The following PIP4K2A variants were observed in gnomAD, a reference collection of about 807,000 sequenced individuals.
The protein encoded by PIP4K2A is phosphatidylinositol 5-phosphate 4-kinase type-2 alpha.
A neutral mutation model predicts 42.9 loss-of-function variants in PIP4K2A; 14 were observed. The ratio of observed to expected loss-of-function variants is 0.33; its 90% CI spans 0.22 to 0.51. The LOEUF (loss-of-function observed/expected upper bound fraction) is 0.51, where lower values mean the gene tolerates loss of function less well. Among genes scored for constraint, PIP4K2A ranks in the 20% least tolerant of loss-of-function variants. PIP4K2A has a pLI of 0.97. For missense variants in PIP4K2A, 434 were observed against 519.8 expected (o/e 0.83, Z 1.61); for synonymous variants, 192 against 192.2 (o/e 1.00, Z 0.01).
Position 22,704,817 on chromosome 10 carries a change from C to T in PIP4K2A, c.144+9366G>A, listed in dbSNP as rs571853899. On this transcript the variant is annotated intron_variant, in intron 1 of 9. Transcript: ENST00000376573. The stretch of plus-strand genomic sequence containing the variant: ...TGGAAGACACTGCAATGGTGGGAAT[C>T]GTCTATATCTGCACTGTTCAATCCA... Among the ~76,000 whole-genome samples, 49 of 152,234 alleles carry T rather than the reference C, an allele frequency of 3.2e-4. No homozygotes were observed. The South Asian group carries it at 6.4e-3, about 20-fold the overall frequency.
intron 9 of PIP4K2A, among the ~76,000 whole-genome samples, chr10:22,538,210 C>A (rs1420756316): frequency 6.6e-6 from 1 of 152,216 alleles, no homozygotes; most frequent in Non-Finnish European, 1.5e-5. Context: ...GAGAATGGTC[C>A]CCCACAGCAG....
chr10:22,607,846 A>C (rs1009632534), intron 3 of PIP4K2A, 81 bp downstream of exon 3: 3 of 798,314 alleles, frequency 3.8e-6, no homozygotes, highest in Admixed American at 2.3e-5. Flanking sequence ...TATTGACAAA[A>C]ATACAGATCC....
Position 22,604,400 on chromosome 10 carries a change from G to A in PIP4K2A, c.339+3527C>T, listed in dbSNP as rs112221835. Reference sequence around the variant, plus strand: ...GGTGGTCACACAAACAAGACAAGTCGGGACCATTTACCCACTTGGCTGAAT... The same window carrying A: ...GGTGGTCACACAAACAAGACAAGTCAGGACCATTTACCCACTTGGCTGAAT... On this transcript the variant is annotated intron_variant, in intron 3 of 9. Transcript: ENST00000376573. 3.4e-3 allele frequency among the ~76,000 whole-genome samples: 521 copies of A among 151,816 alleles called. 2 individuals carry two copies. The highest frequency in any genetic ancestry group is 9.9e-3 in the African/African-American group (408 of 41,386).
rs558630564 is a variant in PIP4K2A, at chr10:22,585,240, A to C, written c.492+6389T>G. ...TCGGGAAAGGATAAGCAGATGTACT[A>C]TGAGGAGATTTCAAAGAAGTCACAT... On this transcript the variant is annotated intron_variant, in intron 4 of 9. Transcript: ENST00000376573. Among the ~76,000 whole-genome samples, 4 of 152,342 alleles carry C rather than the reference A, an allele frequency of 2.6e-5. No individual in the cohort carries two copies. In the South Asian group the frequency reaches 8.3e-4, roughly 32 times the overall value.
intron 1 of PIP4K2A, among the ~76,000 whole-genome samples, chr10:22,654,623 G>C (rs1309430733): frequency 6.6e-6 from 1 of 152,122 alleles, no homozygotes; most frequent in Non-Finnish European, 1.5e-5. Flanking sequence ...GTGATTCAGG[G>C]GTAGTCAAGT....
chr10:22,645,014 T>C (rs1038184083), intron 1 of PIP4K2A, among the ~76,000 whole-genome samples: 12 of 152,318 alleles, frequency 7.9e-5, no homozygotes, highest in Admixed American at 6.5e-4. Context: ...CCCTTCCCCC[T>C]ATGCTGGGGA....
At chr10:22,574,953 G>C (rs1161926395) in intron 4 of PIP4K2A, among the ~76,000 whole-genome samples, 1 of 152,158 alleles carries the variant, frequency 6.6e-6, no homozygotes, top group Admixed American at 6.5e-5. Context: ...AGGAAGTCTA[G>C]TCTCCACGTG....
At chr10:22,694,284 A>G (rs1839927547) in intron 1 of PIP4K2A, 1 of 152,180 alleles carries the variant, frequency 6.6e-6, no homozygotes, top group Non-Finnish European at 1.5e-5. Context: ...GCTTTTACCA[A>G]CACTGACAGC....
intron 1 of PIP4K2A, among the ~76,000 whole-genome samples, chr10:22,664,209 A>G (rs1322770651): frequency 7.5e-5 from 4 of 53,216 alleles, no homozygotes; most frequent in African/African-American, 3.7e-4. Context: ...ATATACATAT[A>G]TATATATACA....
At chr10:22,659,446 A>G (rs1392386363) in intron 1 of PIP4K2A, among the ~76,000 whole-genome samples, 2 of 152,208 alleles carry the variant, frequency 1.3e-5, no homozygotes, top group African/African-American at 2.4e-5. Context: ...TACAAAAATT[A>G]GCTGGGCATG....
At chr10:22,656,200 C>T (rs139223948) in intron 1 of PIP4K2A, among the ~76,000 whole-genome samples, 179 of 152,302 alleles carry the variant, frequency 1.2e-3, no homozygotes, top group African/African-American at 3.8e-3. Flanking sequence ...TGAGGGACAC[C>T]GGCTGTTCCC....
chr10:22,571,680 A>G (rs1281629540), intron 5 of PIP4K2A, among the ~76,000 whole-genome samples: 1 of 152,232 alleles, frequency 6.6e-6, no homozygotes, highest in Non-Finnish European at 1.5e-5. Context: ...GCTTTGAGAA[A>G]TTACCTCTTG....
At chr10:22,645,032 A>G (rs1482399062) in intron 1 of PIP4K2A, among the ~76,000 whole-genome samples, 1 of 152,188 alleles carries the variant, frequency 6.6e-6, no homozygotes, top group African/African-American at 2.4e-5. Context: ...GGACTTACTA[A>G]AAGAGCAAAG....
chr10:22,550,875 C>T, intron 6 of PIP4K2A, 103 bp from the exon 7 acceptor site: 1 of 726,406 alleles, frequency 1.4e-6, no homozygotes, highest in South Asian at 1.6e-5. Flanking sequence ...CCTTTCACCG[C>T]CCCCACCCCG....
At chr10:22,582,704 G>A (rs1392416750) in intron 4 of PIP4K2A, among the ~76,000 whole-genome samples, 1 of 151,946 alleles carries the variant, frequency 6.6e-6, no homozygotes, top group East Asian at 1.9e-4. Context: ...GAAAGGGAAA[G>A]GAAGGGAAGG....
chr10:22,550,376 T>A (rs1208207086), intron 7 of PIP4K2A, among the ~76,000 whole-genome samples: 1 of 152,178 alleles, frequency 6.6e-6, no homozygotes, highest in African/African-American at 2.4e-5. Context: ...TCATGGGCCA[T>A]CCCAATACAG....
intron 1 of PIP4K2A, among the ~76,000 whole-genome samples, chr10:22,683,470 C>T (rs1839701491): frequency 6.6e-6 from 1 of 152,176 alleles, no homozygotes; most frequent in African/African-American, 2.4e-5. Context: ...GTCACTTACT[C>T]TGATCTGTTT....
At chr10:22,582,571 T>C (rs1837304062) in intron 4 of PIP4K2A, among the ~76,000 whole-genome samples, 1 of 152,244 alleles carries the variant, frequency 6.6e-6, no homozygotes, top group Admixed American at 6.5e-5. Flanking sequence ...ATCAAATTAG[T>C]ACTTCAATGT....
intron 1 of PIP4K2A, among the ~76,000 whole-genome samples, chr10:22,673,556 C>T (rs1029030044): frequency 6.6e-6 from 1 of 152,052 alleles, no homozygotes; most frequent in African/African-American, 2.4e-5. Context: ...ACAATTTAAA[C>T]ATACACCACA....
Sources: gnomAD v4.1 joint callset for allele counts (sites outside exome capture counted in the v4.1 genomes callset) on GRCh38, gnomAD v4.1.1 for gene constraint, MANE v1.5 for transcripts, NCBI Gene and HGNC (gene_info 2026-07-23, HGNC 2026-07-21) for gene names.